TEKT5: variants seen among roughly 807,000 people sequenced by gnomAD.
TEKT5 encodes tektin-5.
TEKT5 carries 52 observed loss-of-function variants against 48.7 expected under a neutral mutation model. That is an observed-to-expected ratio of 1.07 (90% CI 0.86 to 1.35). The LOEUF is 1.35. Among genes scored for constraint, TEKT5 ranks in the 40% most tolerant of loss-of-function variants. TEKT5 has a pLI of 0.00. For missense variants in TEKT5, 831 were observed against 641.6 expected, an observed-to-expected ratio of 1.30 and a Z score of -3.19; for synonymous variants, 318 against 267.6, an observed-to-expected ratio of 1.19 and a Z score of -1.84.
At chr16:10,690,892 A>G (rs1461304529) in intron 1 of TEKT5, 1 of 651,142 alleles carries the variant, frequency 1.5e-6, no homozygotes, top group African/African-American at 2.0e-5. Flanking sequence ...GAACTCAGAA[A>G]TGGGAGGGGG....
chr16:10,675,470 G>T (rs1898628044), intron 5 of TEKT5, among the ~76,000 whole-genome samples: 1 of 152,132 alleles, frequency 6.6e-6, no homozygotes, highest in African/African-American at 2.4e-5. Context: ...GACAGAATCG[G>T]GCAGTGCTGC....
At chr16:10,654,111 C>T (rs1898218108) in intron 5 of TEKT5, among the ~76,000 whole-genome samples, 1 of 152,046 alleles carries the variant, frequency 6.6e-6, no homozygotes, top group Non-Finnish European at 1.5e-5. Context: ...ACTGCAGCGG[C>T]ACTATTATGG....
intron 6 of TEKT5, among the ~76,000 whole-genome samples, chr16:10,631,058 A>G (rs1445779676): frequency 2.8e-5 from 3 of 105,878 alleles, no homozygotes; most frequent in African/African-American, 6.6e-5. Flanking sequence ...AAATATATCT[A>G]TATCTATGTC....
chr16:10,651,177 C>T (rs547080361), intron 5 of TEKT5, among the ~76,000 whole-genome samples: 2 of 152,232 alleles, frequency 1.3e-5, no homozygotes, highest in East Asian at 3.9e-4. Flanking sequence ...AGGGAGCTGC[C>T]GATTCACCTG....
At chr16:10,649,904 G>A (rs1226634748) in intron 5 of TEKT5, among the ~76,000 whole-genome samples, 1 of 152,098 alleles carries the variant, frequency 6.6e-6, no homozygotes, top group African/African-American at 2.4e-5. Flanking sequence ...GGACACTGAG[G>A]GGCAGGGACC....
At chr16:10,676,345 T>G (rs559321909) in intron 4 of TEKT5, among the ~76,000 whole-genome samples, 164 bp from the exon 5 acceptor site, 50 of 152,298 alleles carry the variant, frequency 3.3e-4, no homozygotes, top group Admixed American at 7.8e-4. Flanking sequence ...ACCCACTAGA[T>G]GCCAGTAGCT....
chr16:10,686,502 A>T (rs1596419972), intron 3 of TEKT5, among the ~76,000 whole-genome samples: 1 of 152,104 alleles, frequency 6.6e-6, no homozygotes, highest in Non-Finnish European at 1.5e-5. Context: ...AACACCTGAA[A>T]CTGTAAAACT....
chr16:10,676,501 A>C (rs933942647), intron 4 of TEKT5, among the ~76,000 whole-genome samples: 1 of 152,118 alleles, frequency 6.6e-6, no homozygotes, highest in East Asian at 1.9e-4. Context: ...AGAGAACCCT[A>C]AAGAGAGCAG....
intron 5 of TEKT5, among the ~76,000 whole-genome samples, chr16:10,644,934 G>A (rs1390782959): frequency 6.6e-6 from 1 of 152,166 alleles, no homozygotes; most frequent in African/African-American, 2.4e-5. Flanking sequence ...GTGATGAGGT[G>A]GAGCTCTCAT....
chr16:10,633,373 G>C (rs959971460), intron 6 of TEKT5, among the ~76,000 whole-genome samples: 1 of 152,028 alleles, frequency 6.6e-6, no homozygotes, highest in Non-Finnish European at 1.5e-5. Flanking sequence ...AAAAACTCTC[G>C]TTGGGGAGGC....
chr16:10,665,666 C>A (rs1282156078), intron 5 of TEKT5, among the ~76,000 whole-genome samples: 1 of 152,196 alleles, frequency 6.6e-6, no homozygotes, highest in Non-Finnish European at 1.5e-5. Flanking sequence ...TTTGGCACAG[C>A]TCTCAGAATT....
intron 6 of TEKT5, among the ~76,000 whole-genome samples, chr16:10,630,230 A>G (rs1162683619): frequency 2.7e-5 from 4 of 150,542 alleles, no homozygotes; most frequent in Non-Finnish European, 4.4e-5. Flanking sequence ...CACCGCACCC[A>G]GCTGATTTTA....
At chr16:10,666,785 T>C (rs1477482416) in intron 5 of TEKT5, among the ~76,000 whole-genome samples, 1 of 152,174 alleles carries the variant, frequency 6.6e-6, no homozygotes, top group African/African-American at 2.4e-5. Context: ...TGCAACCTGG[T>C]CATCCCTCCA....
chr16:10,628,611 G>T (rs1421783137), intron 6 of TEKT5, among the ~76,000 whole-genome samples: 3 of 152,260 alleles, frequency 2.0e-5, no homozygotes, highest in Admixed American at 1.3e-4. Flanking sequence ...ATAATAAAAA[G>T]GAATGAAATA....
At chr16:10,656,133 C>T (rs543203381) in intron 5 of TEKT5, among the ~76,000 whole-genome samples, 2 of 152,304 alleles carry the variant, frequency 1.3e-5, no homozygotes, top group East Asian at 3.9e-4. Context: ...CTGGTCTCTA[C>T]CCACTAGATG....
In TEKT5 at chr16:10,670,437, T is replaced by G. The variant is rs944515810; in HGVS notation, c.1086+5522A>C. Among the ~76,000 whole-genome samples, 3 of 152,082 alleles carry G rather than the reference T, an allele frequency of 2.0e-5. No individual in the cohort carries two copies. The South Asian group carries it at 6.2e-4, about 32-fold the overall frequency. On this transcript the variant is annotated intron_variant, in intron 5 of 6. Transcript: ENST00000283025. ...AGGAGGCTGAGGCAGGAGAATCACT[T>G]GAACCTGGAAGGCAGAGGTTGCAGT...
chr16:10,674,099 C>G (rs1898598534), intron 5 of TEKT5, among the ~76,000 whole-genome samples: 1 of 152,148 alleles, frequency 6.6e-6, no homozygotes, highest in Non-Finnish European at 1.5e-5. Flanking sequence ...AACCCTTCAC[C>G]AGGCCTACCC....
chr16:10,657,869 G>A (rs1898289647), intron 5 of TEKT5, among the ~76,000 whole-genome samples: 1 of 151,650 alleles, frequency 6.6e-6, no homozygotes, highest in Admixed American at 6.6e-5. Context: ...CAAAGTGCCG[G>A]GATTACAGGC....
rs766602215 is a variant in TEKT5 at position 10,627,720 on chromosome 16, G to T, written c.1321C>A (p.Gln441Lys). 3 of 1,614,202 alleles carry T rather than the reference G, an allele frequency of 1.9e-6. No individual in the cohort carries two copies. The South Asian group carries it at 3.3e-5, about 18-fold the overall frequency. ...CGGCACTTGGTCATGACCAGCAGCT[G>T]CAGCGTGTCCTGTGTCTCCCGCAGC... The part of the protein sequence containing the change: ...LRLRETQDTL[Q>K]LLVMTKCRLE... Residue 441 changes from glutamine to lysine, a missense_variant, in exon 7 of 7, where the codon CAG (glutamine) becomes AAG (lysine). Transcript: ENST00000283025.
Sources: gnomAD v4.1 joint callset for allele counts (sites outside exome capture counted in the v4.1 genomes callset) on GRCh38, gnomAD v4.1.1 for gene constraint, MANE v1.5 for transcripts, NCBI Gene and HGNC (gene_info 2026-07-23, HGNC 2026-07-21) for gene names.